The following RAB37 variants were observed in gnomAD, a reference collection of about 807,000 sequenced individuals.
RAB37 encodes ras-related protein Rab-37.
Under a neutral mutation model 33.1 loss-of-function variants are expected in RAB37, and 29 were observed. The observed-to-expected ratio is 0.88, with a 90% CI of 0.65 to 1.20. The LOEUF (loss-of-function observed/expected upper bound fraction) is 1.20. RAB37 is among the 50% of genes most tolerant of loss of function. The pLI, the probability that RAB37 is intolerant of heterozygous loss-of-function variation, is 0.00. For synonymous variants in RAB37, 128 were observed against 119.5 expected (o/e 1.07, Z -0.47); for missense variants, 299 against 301.1 (o/e 0.99, Z 0.05).
chr17:74,728,736 A>C (rs964415690), intron 1 of RAB37, among the ~76,000 whole-genome samples: 3 of 145,808 alleles, frequency 2.1e-5, no homozygotes, highest in Non-Finnish European at 1.5e-5. Context: ...ATATGTGTAC[A>C]TGTGTTTTTC....
At position 74,671,196 on chromosome 17, in the gene RAB37, A is replaced by C; in HGVS notation, c.-391A>C. Reference sequence around the variant, plus strand: ...TGGGACCGCAATGCCCTGAGAACGCAGCCGGGTGCTGAGCCTCCGGAGTCC... The same window carrying C: ...TGGGACCGCAATGCCCTGAGAACGCCGCCGGGTGCTGAGCCTCCGGAGTCC... On this transcript the variant is annotated 5_prime_UTR_variant, in exon 1 of 8. Coordinates refer to the RAB37 transcript ENST00000340415. This position sits in a 1 kb window ranked among gnomAD's most constrained non-coding sequence, Gnocchi z 5.0. 4.9e-6 allele frequency: 1 copy of C among 206,162 alleles called. No individual in the cohort carries two copies. Among genetic ancestry groups the C allele is most frequent in the Non-Finnish European group, 1.0e-5 (1 of 99,728 alleles). 12.8% of individuals were successfully genotyped at this position (206,162 alleles called of 1,614,324 possible).
intron 1 of RAB37, among the ~76,000 whole-genome samples, chr17:74,684,660 G>A (rs932849586): frequency 2.0e-5 from 3 of 151,878 alleles, no homozygotes; most frequent in African/African-American, 7.3e-5. Context: ...CATGGTGGCG[G>A]GTCCCTGTAA....
Position 74,745,741 on chromosome 17 carries a change from A to G in RAB37, c.*330A>G. The G allele has an allele frequency of 3.8e-6, 1 of 262,194 alleles. No homozygotes were observed. Among genetic ancestry groups the G allele is most frequent in the Non-Finnish European group, 7.4e-6 (1 of 135,854 alleles). The allele number at this position is 262,194 out of a possible 1,614,324, so 16.2% of individuals were successfully genotyped here. A position where few individuals can be genotyped will look rare whatever the true frequency, so the allele number is the denominator to read the frequency against. ...GGGGGGCCGGCCCTCCCTCCTAAGCATAACAAAGGTGGTGTTGCTCCAGCT... is the reference window on the plus strand; with the variant it reads ...GGGGGGCCGGCCCTCCCTCCTAAGCGTAACAAAGGTGGTGTTGCTCCAGCT... On this transcript the variant is annotated 3_prime_UTR_variant, in exon 9 of 9. Coordinates refer to ENST00000392613, the MANE Select transcript of RAB37 (RefSeq NM_001006638.3). This position sits in a 1 kb window ranked among gnomAD's most constrained non-coding sequence, Gnocchi z 4.5.
At chr17:74,723,921 G>C (rs1242878760) in intron 1 of RAB37, among the ~76,000 whole-genome samples, 1 of 152,100 alleles carries the variant, frequency 6.6e-6, no homozygotes, top group Admixed American at 6.6e-5. Context: ...GGAAGGCATG[G>C]TGACAAATCT....
chr17:74,692,802 G>A (rs2032187237), intron 1 of RAB37, among the ~76,000 whole-genome samples: 1 of 152,178 alleles, frequency 6.6e-6, no homozygotes. Flanking sequence ...TCCTTAGGTT[G>A]TTTGGCCCAG....
rs1191012691 is a variant in RAB37, at chr17:74,740,771, A to T, written c.97A>T (p.Met33Leu). Residue 33 changes from methionine to leucine, a missense_variant, in exon 2 of 9, where the codon ATG becomes TTG. Coordinates refer to ENST00000392613, the MANE Select transcript of RAB37 (RefSeq NM_001006638.3). ...SPSYDLTGKVMLLGDTGVGKT... is the reference protein window; with the variant it reads ...SPSYDLTGKVLLLGDTGVGKT... ...TGCCTCTGCCCCTACCCCCTAGGTG[A>T]TGCTTCTGGGAGACACAGGCGTCGG... The T allele has an allele frequency of 4.3e-6, 7 of 1,612,642 alleles. No individual in the cohort carries two copies. The highest frequency in any genetic ancestry group is 1.3e-5 in the African/African-American group (1 of 74,994).
At position 74,676,528 on chromosome 17, in the gene RAB37, T is replaced by C. The variant is rs529041553; in HGVS notation, c.72+4870T>C. 1.3e-3 allele frequency among the ~76,000 whole-genome samples: 192 copies of C among 152,330 alleles called. No individual in the cohort carries two copies. Among genetic ancestry groups the C allele is most frequent in the Middle Eastern group, 6.8e-3 (2 of 294 alleles). On this transcript the variant is annotated intron_variant, in intron 1 of 7. Transcript: ENST00000340415. This position sits in a 1 kb window ranked among gnomAD's most constrained non-coding sequence, Gnocchi z 4.1. ...GCCACTCTCCCCCATCTCCTGCACT[T>C]ATTCTTCACTTCCTTCTTCTATTAC...
chr17:74,727,607 T>C (rs903091027), intron 1 of RAB37, among the ~76,000 whole-genome samples: 6 of 152,246 alleles, frequency 3.9e-5, no homozygotes, highest in African/African-American at 1.4e-4. Context: ...ATGACCTTGG[T>C]GCAAACATGA....
rs999154878 is a variant in RAB37, at chr17:74,676,091, C to T, written c.72+4433C>T. Among the ~76,000 whole-genome samples, 2 of 152,130 alleles carry T rather than the reference C, an allele frequency of 1.3e-5. No homozygotes were observed. Among genetic ancestry groups the T allele is most frequent in the Non-Finnish European group, 2.9e-5 (2 of 68,034 alleles). On this transcript the variant is annotated intron_variant, in intron 1 of 7. Transcript: ENST00000340415. The surrounding 1 kb of genome is among the most constrained non-coding windows in gnomAD (Gnocchi z 4.1). ...GGGGTAGGGGTTCAGGAACAGCCCA[C>T]GGATTGGGTCCCTACTGTGCCAGGG... is the stretch of plus-strand genomic sequence containing the variant.
intron 1 of RAB37, among the ~76,000 whole-genome samples, chr17:74,705,875 G>A (rs1386164809): frequency 6.6e-6 from 1 of 152,138 alleles, no homozygotes; most frequent in African/African-American, 2.4e-5. Context: ...GATTACAGGC[G>A]GGCCCCACAA....
At chr17:74,680,842 A>AG (rs397957103) in intron 1 of RAB37, among the ~76,000 whole-genome samples, 1 of 37,472 alleles carries the variant, frequency 2.7e-5, no homozygotes, top group Non-Finnish European at 2.9e-4. Context: ...TTCTTCCTCC[A>AG]TCTCACTCAA....
chr17:74,744,943 T>C lies in RAB37; in HGVS notation c.489+14T>C, dbSNP rs2034717729. 1 of 1,614,130 alleles carries C rather than the reference T, an allele frequency of 6.2e-7. No individual in the cohort carries two copies. Among genetic ancestry groups the C allele is most frequent in the African/African-American group, 1.3e-5 (1 of 74,962 alleles). On this transcript the variant is annotated intron_variant, in intron 7 of 8. Coordinates refer to ENST00000392613, the MANE Select transcript of RAB37 (RefSeq NM_001006638.3). The surrounding 1 kb of genome is among the most constrained non-coding windows in gnomAD (Gnocchi z 4.2). ...ACCTTGGCCAGGGTAAGTGATTGTC[T>C]GTGGGACAGGGTGAAGGGTGGGGGC...
chr17:74,673,625 A>T (rs961168144), intron 1 of RAB37, among the ~76,000 whole-genome samples: 8 of 152,028 alleles, frequency 5.3e-5, no homozygotes, highest in African/African-American at 1.7e-4. Flanking sequence ...CACACACGAG[A>T]TGTAGGATGT....
intron 1 of RAB37, among the ~76,000 whole-genome samples, chr17:74,682,466 A>T (rs2031974443): frequency 6.6e-6 from 1 of 152,004 alleles, no homozygotes; most frequent in African/African-American, 2.4e-5. Context: ...TAGACCCAAT[A>T]CTCACTGGAG....
chr17:74,696,128 G>A, intron 1 of RAB37: 1 of 1,550,738 alleles, frequency 6.4e-7, no homozygotes, highest in Non-Finnish European at 8.7e-7. Flanking sequence ...CCTTCTGAGA[G>A]ATGGAAAATG....
chr17:74,732,787 GGT>G (rs1234634863), upstream of RAB37, among the ~76,000 whole-genome samples: 3 of 151,962 alleles, frequency 2.0e-5, no homozygotes, highest in African/African-American at 4.8e-5. Context: ...AGGTGTGTGT[GGT>G]GTGAGGTGTG....
chr17:74,677,481 T>C (rs1487647538), intron 1 of RAB37: 1 of 152,214 alleles, frequency 6.6e-6, no homozygotes, highest in Non-Finnish European at 1.5e-5. Flanking sequence ...GAAAAATCCA[T>C]GCCCTGTAAG....
intron 1 of RAB37, among the ~76,000 whole-genome samples, chr17:74,708,671 T>C (rs978740085): frequency 1.1e-4 from 16 of 151,952 alleles, no homozygotes; most frequent in Non-Finnish European, 1.9e-4. Context: ...AATCCCAGCA[T>C]TTTGGGAGGC....
chr17:74,708,753 A>G (rs979009390), intron 1 of RAB37, among the ~76,000 whole-genome samples: 1 of 152,020 alleles, frequency 6.6e-6, no homozygotes, highest in Non-Finnish European at 1.5e-5. Flanking sequence ...TGTCTCTACT[A>G]AAAATACAAA....
Sources: allele counts gnomAD v4.1 joint callset (sites outside exome capture counted in the v4.1 genomes callset), GRCh38; gene constraint gnomAD v4.1.1; non-coding constraint Gnocchi (gnomAD v3.1); transcripts MANE v1.5; gene names NCBI Gene and HGNC (gene_info 2026-07-23, HGNC 2026-07-21).